Variants in FSTL5 observed in about 807,000 individuals in gnomAD.
The protein encoded by FSTL5 is follistatin-related protein 5.
Under a neutral mutation model 89.1 loss-of-function variants are expected in FSTL5, and 62 were observed. That is an observed-to-expected ratio of 0.70 (90% confidence interval 0.57 to 0.86). The LOEUF (loss-of-function observed/expected upper bound fraction) is 0.86. FSTL5 is among the 40% of genes least tolerant of loss of function. The probability of loss-of-function intolerance (pLI) is 0.00; values close to 1 mark genes in which losing one functional copy is unlikely to be tolerated. For missense variants in FSTL5, 1,057 were observed against 1,001.6 expected (o/e 1.06, Z -0.75); for synonymous variants, 383 against 346.2 (o/e 1.11, Z -1.18).
At chr4:161,683,931 T>C (rs1737614202) in intron 6 of FSTL5, among the ~76,000 whole-genome samples, 1 of 152,122 alleles carries the variant, frequency 6.6e-6, no homozygotes, top group Non-Finnish European at 1.5e-5. Flanking sequence ...CTAAAGTCCA[T>C]TGTGTCATTC....
At chr4:161,597,248 T>G (rs533065316) in intron 7 of FSTL5, among the ~76,000 whole-genome samples, 1 of 152,256 alleles carries the variant, frequency 6.6e-6, no homozygotes, top group Admixed American at 6.5e-5. Flanking sequence ...TTTCTACATA[T>G]GGCTAGCCAG....
intron 8 of FSTL5, among the ~76,000 whole-genome samples, chr4:161,564,664 C>T (rs1376234321): frequency 6.6e-6 from 1 of 151,354 alleles, no homozygotes; most frequent in Non-Finnish European, 1.5e-5. Context: ...ATGATAATTA[C>T]TGTTAAATGC....
chr4:161,455,144 C>T lies in FSTL5; in HGVS notation c.1717-16G>A, dbSNP rs780707810. The T allele has an allele frequency of 2.9e-5, 46 of 1,583,262 alleles. No individual in the cohort carries two copies. Among genetic ancestry groups the T allele is most frequent in the Non-Finnish European group, 3.7e-5 (43 of 1,167,950 alleles). The stretch of plus-strand genomic sequence containing the variant: ...GGGTAATTACCTAAAGAGAACACAC[C>T]TTGGTTAGACCTCAACAATGCAGTC... On this transcript the variant is annotated splice_polypyrimidine_tract_variant and intron_variant, in intron 14 of 15. Transcript: ENST00000306100.
intron 2 of FSTL5, among the ~76,000 whole-genome samples, chr4:162,050,395 C>A (rs1400406101): frequency 6.6e-6 from 1 of 150,742 alleles, no homozygotes; most frequent in African/African-American, 2.4e-5. Flanking sequence ...ATTTATATGT[C>A]ATTTTATAAT....
At chr4:161,609,887 G>A (rs1234643451) in intron 7 of FSTL5, among the ~76,000 whole-genome samples, 2 of 152,042 alleles carry the variant, frequency 1.3e-5, no homozygotes, top group African/African-American at 4.8e-5. Flanking sequence ...ATATATTCTC[G>A]TAAATATGGT....
chr4:161,955,528 GA>G (rs1243157868), intron 3 of FSTL5, among the ~76,000 whole-genome samples: 6 of 151,856 alleles, frequency 4.0e-5, no homozygotes, highest in African/African-American at 1.4e-4. Flanking sequence ...CTCAACAGAA[GA>G]AAAAATGTTT....
At chr4:161,591,835 T>C (rs561535323) in intron 7 of FSTL5, among the ~76,000 whole-genome samples, 1 of 152,326 alleles carries the variant, frequency 6.6e-6, no homozygotes, top group South Asian at 2.1e-4. Flanking sequence ...GATCTATTAA[T>C]ATTCTCTCAC....
In FSTL5 at chr4:161,455,120, G is replaced by T; in HGVS notation, c.1725C>A (p.Thr575=). 1 of 1,605,258 alleles carries T rather than the reference G, an allele frequency of 6.2e-7. No individual in the cohort carries two copies. The highest frequency in any genetic ancestry group is 2.3e-5 in the East Asian group (1 of 44,422). ...GGTGAGGCACATTCCCACTGGCCAG[G>T]GTAATTACCTAAAGAGAACACACCT... is the stretch of plus-strand genomic sequence containing the variant. ...EKTSPTLQVI[T]LASGNVPHHT... Residue 575 remains threonine (T), a synonymous_variant, in exon 15 of 16, where the codon ACC becomes ACA. Transcript: ENST00000306100.
intron 8 of FSTL5, among the ~76,000 whole-genome samples, chr4:161,556,844 G>GTATATATATATATATATA (rs962466232): frequency 3.2e-4 from 47 of 144,874 alleles, no homozygotes; most frequent in South Asian, 1.1e-3. Context: ...GTGTGTGTGT[G>GTATATATATATATATATA]TGTATATATA....
At chr4:161,440,346 A>G (rs11944620) in intron 15 of FSTL5, among the ~76,000 whole-genome samples, 59,606 of 151,640 alleles carry the variant, frequency 0.39, 11,831 homozygotes, top group South Asian at 0.5. Flanking sequence ...CTGGGCCACA[A>G]TGGAAGAAGA....
chr4:161,659,468 A>T (rs1736633774), intron 6 of FSTL5, among the ~76,000 whole-genome samples: 1 of 152,180 alleles, frequency 6.6e-6, no homozygotes, highest in Non-Finnish European at 1.5e-5. Flanking sequence ...GTTATTAAGA[A>T]GCACAGATTA....
intron 3 of FSTL5, among the ~76,000 whole-genome samples, chr4:161,984,645 C>A (rs1397011044): frequency 6.6e-6 from 1 of 152,084 alleles, no homozygotes; most frequent in African/African-American, 2.4e-5. Flanking sequence ...CCCTTAGCCT[C>A]CCCAGTAGAG....
chr4:161,438,762 T>A (rs1356069828), intron 15 of FSTL5, among the ~76,000 whole-genome samples: 1 of 152,128 alleles, frequency 6.6e-6, no homozygotes, highest in Non-Finnish European at 1.5e-5. Flanking sequence ...ATGATTAATT[T>A]TTTTACAAAC....
At chr4:162,108,995 CA>C (rs1333868466) in intron 2 of FSTL5, among the ~76,000 whole-genome samples, 1 of 151,958 alleles carries the variant, frequency 6.6e-6, no homozygotes, top group African/African-American at 2.4e-5. Flanking sequence ...TATGTCTTGA[CA>C]AATGGTGTCG....
At chr4:161,789,930 C>G (rs1729401853) in intron 4 of FSTL5, among the ~76,000 whole-genome samples, 1 of 152,146 alleles carries the variant, frequency 6.6e-6, no homozygotes, top group South Asian at 2.1e-4. Flanking sequence ...TTTAATTTTT[C>G]CATTCTTTAT....
intron 2 of FSTL5, among the ~76,000 whole-genome samples, chr4:162,038,038 CT>C (rs1462121406): frequency 6.6e-6 from 1 of 151,828 alleles, no homozygotes; most frequent in South Asian, 2.1e-4. Context: ...TTTTGTTGTT[CT>C]GTCCACACGA....
At chr4:161,911,481 T>C (rs1733691207) in intron 4 of FSTL5, among the ~76,000 whole-genome samples, 1 of 152,100 alleles carries the variant, frequency 6.6e-6, no homozygotes, top group Admixed American at 6.5e-5. Context: ...AAAAACGTGA[T>C]TACAATGCAT....
chr4:161,779,784 T>TAC lies in FSTL5; in HGVS notation c.410-3711_410-3710insGT, dbSNP rs1741570250. On this transcript the variant is annotated intron_variant, in intron 4 of 15. Coordinates refer to ENST00000306100, the MANE Select transcript of FSTL5 (RefSeq NM_020116.5). Reference sequence around the variant, plus strand: ...TTATATATATATATATGTATATATATATATATATATATATATATATATATA... The same window carrying TAC: ...TTATATATATATATATGTATATATATACATATATATATATATATATATATATA... Among the ~76,000 whole-genome samples, 7 of 40,066 alleles carry TAC rather than the reference T, an allele frequency of 1.7e-4. 1 individual carries two copies. In the East Asian group the frequency reaches 2.4e-3, roughly 14 times the overall value. 26.3% of individuals were successfully genotyped at this position (40,066 alleles called of 152,430 possible).
chr4:161,772,546 A>C (rs1269933581), intron 5 of FSTL5, among the ~76,000 whole-genome samples: 1 of 152,112 alleles, frequency 6.6e-6, no homozygotes, highest in Non-Finnish European at 1.5e-5. Flanking sequence ...TCTGCTATAC[A>C]CCACCAGCAA....
Sources: allele counts gnomAD v4.1 joint callset (sites outside exome capture counted in the v4.1 genomes callset), GRCh38; gene constraint gnomAD v4.1.1; transcripts MANE v1.5; gene names NCBI Gene and HGNC (gene_info 2026-07-23, HGNC 2026-07-21).